The following SYCP2L variants were observed in gnomAD, a reference collection of about 807,000 sequenced individuals.
SYCP2L encodes the protein synaptonemal complex protein 2 like, also known as synaptonemal complex protein 2-like.
SYCP2L carries 98 observed loss-of-function variants against 125.8 expected under a neutral mutation model. That is an observed-to-expected ratio of 0.78 (90% CI 0.66 to 0.92). The LOEUF is 0.92. SYCP2L is among the 40% of genes least tolerant of loss of function. The pLI is 0.00. For missense variants in SYCP2L, 842 were observed against 936.4 expected (o/e 0.90, Z 1.32); for synonymous variants, 317 against 325.4 (o/e 0.97, Z 0.28).
chr6:10,967,810 T>C (rs942791890), intron 29 of SYCP2L, among the ~76,000 whole-genome samples: 2 of 152,202 alleles, frequency 1.3e-5, no homozygotes, highest in South Asian at 4.1e-4. Flanking sequence ...TAGTGCTGAT[T>C]CTAGTAACTT....
intron 4 of SYCP2L, among the ~76,000 whole-genome samples, chr6:10,894,907 G>A (rs1248097443): frequency 6.6e-6 from 1 of 152,122 alleles, no homozygotes; most frequent in Non-Finnish European, 1.5e-5. Flanking sequence ...TAATGTCTTT[G>A]ATTTACCCCT....
In SYCP2L at chr6:10,926,389, TAAAGA is replaced by T. The variant is rs747504744; in HGVS notation, c.1271_1275del (p.Lys424ArgfsTer9). The T allele has an allele frequency of 6.2e-7, 1 of 1,613,912 alleles. No homozygotes were observed. Among genetic ancestry groups the T allele is most frequent in the Admixed American group, 1.7e-5 (1 of 60,012 alleles). ...CCTCAGAACTTTTTAGTAAGTCTGA[TAAAGA>T]AGACAGGGAGAGTCCCAGTGGCCTT... On this transcript the variant is annotated frameshift_variant, in exon 16 of 30. Transcript: ENST00000283141. LOFTEE classifies it high-confidence loss of function.
intron 4 of SYCP2L, among the ~76,000 whole-genome samples, chr6:10,895,348 C>A (rs1780239471): frequency 6.6e-6 from 1 of 152,196 alleles, no homozygotes; most frequent in Admixed American, 6.5e-5. Context: ...GGCACGAGGG[C>A]CTTTATTCCT....
At chr6:10,956,073 A>G (rs1781498780) in intron 24 of SYCP2L, 63 bp from the exon 25 acceptor site, 1 of 1,362,172 alleles carries the variant, frequency 7.3e-7, no homozygotes, top group Middle Eastern at 2.0e-4. Flanking sequence ...CAACTGATGA[A>G]TTGAGCAAGT....
chr6:10,907,216 T>C (rs1157146940), intron 9 of SYCP2L, among the ~76,000 whole-genome samples: 1 of 151,990 alleles, frequency 6.6e-6, no homozygotes, highest in African/African-American at 2.4e-5. Flanking sequence ...TGATGACACA[T>C]GCCTGTAATC....
chr6:10,947,302 C>A, intron 23 of SYCP2L, among the ~76,000 whole-genome samples: 1 of 151,778 alleles, frequency 6.6e-6, no homozygotes, highest in Non-Finnish European at 1.5e-5. Flanking sequence ...AAATTTAGAC[C>A]AAGTTGATCA....
chr6:10,934,135 T>C (rs1781050283), intron 20 of SYCP2L, among the ~76,000 whole-genome samples: 2 of 152,212 alleles, frequency 1.3e-5, no homozygotes, highest in Non-Finnish European at 2.9e-5. Context: ...GTCTCTCTCT[T>C]AACTAAATCT....
intron 14 of SYCP2L, among the ~76,000 whole-genome samples, chr6:10,924,295 G>A (rs887796199): frequency 6.6e-6 from 1 of 152,170 alleles, no homozygotes; most frequent in African/African-American, 2.4e-5. Flanking sequence ...CCACTTAATT[G>A]TGTTGTATGT....
At position 10,894,081 on chromosome 6, in the gene SYCP2L, C is replaced by A; in HGVS notation, c.217-4C>A. ...TGTTTTAACTTAGTGTGGTTTATAC[C>A]TAGGAACTAGATAAAAATGAATTTC... On this transcript the variant is annotated splice_polypyrimidine_tract_variant and splice_region_variant and intron_variant, in intron 3 of 29. Coordinates refer to ENST00000283141, the MANE Select transcript of SYCP2L (RefSeq NM_001040274.3). The A allele has an allele frequency of 6.2e-7, 1 of 1,610,812 alleles. No individual in the cohort carries two copies. Among genetic ancestry groups the A allele is most frequent in the Non-Finnish European group, 8.5e-7 (1 of 1,179,258 alleles).
intron 4 of SYCP2L, 46 bp downstream of exon 4, chr6:10,894,250 A>G (rs1011377407): frequency 5.6e-6 from 9 of 1,593,890 alleles, no homozygotes; most frequent in South Asian, 2.3e-5. Context: ...TAACTTAGAG[A>G]ACTTAGGTGG....
chr6:10,954,904 T>A lies in SYCP2L; in HGVS notation c.1955-212T>A, dbSNP rs564725666. Among the ~76,000 whole-genome samples, 1 of 152,290 alleles carries A rather than the reference T, an allele frequency of 6.6e-6. No individual in the cohort carries two copies. Among genetic ancestry groups the A allele is most frequent in the Admixed American group, 6.5e-5 (1 of 15,298 alleles). ...AGAGTGTTCCTAAATGTAACTGAGCTCATCAAAGGGATGCCTGTTCCCATG... is the reference window on the plus strand; with the variant it reads ...AGAGTGTTCCTAAATGTAACTGAGCACATCAAAGGGATGCCTGTTCCCATG... On this transcript the variant is annotated intron_variant, in intron 23 of 29. Coordinates refer to ENST00000283141, the MANE Select transcript of SYCP2L (RefSeq NM_001040274.3). The surrounding 1 kb of genome is among the most constrained non-coding windows in gnomAD (Gnocchi z 4.8).
chr6:10,908,839 T>C (rs576464219), intron 10 of SYCP2L, among the ~76,000 whole-genome samples: 1 of 152,312 alleles, frequency 6.6e-6, no homozygotes, highest in Non-Finnish European at 1.5e-5. Flanking sequence ...GAGCCCCACC[T>C]CTCCAATTTA....
chr6:10,934,153 A>G (rs1781050769), intron 20 of SYCP2L, among the ~76,000 whole-genome samples: 1 of 152,200 alleles, frequency 6.6e-6, no homozygotes, highest in South Asian at 2.1e-4. Flanking sequence ...TCTCTGAAAT[A>G]AGCTTGCTTT....
intron 14 of SYCP2L, among the ~76,000 whole-genome samples, chr6:10,913,938 T>C (rs543003790): frequency 6.6e-6 from 1 of 152,126 alleles, no homozygotes; most frequent in Admixed American, 6.5e-5. Context: ...TTCAAGCAAT[T>C]CTTGTGCTTT....
Position 10,927,380 on chromosome 6 carries a change from C to G in SYCP2L, c.1440+13C>G. On this transcript the variant is annotated intron_variant, in intron 17 of 29. Transcript: ENST00000283141. ...CTCTGATAGTCACGTAGGTTCTTTT[C>G]TATTTTCCCTAAGCATCGGCCAGGT... is the stretch of plus-strand genomic sequence containing the variant. 6.2e-7 allele frequency: 1 copy of G among 1,600,856 alleles called. No individual in the cohort carries two copies. The highest frequency in any genetic ancestry group is 8.5e-7 in the Non-Finnish European group (1 of 1,170,258).
chr6:10,927,517 A>G (rs1780919055), intron 17 of SYCP2L, 150 bp downstream of exon 17: 2 of 637,904 alleles, frequency 3.1e-6, no homozygotes, highest in Non-Finnish European at 5.4e-6. Flanking sequence ...AAAACCAGCA[A>G]GTTTTTATTA....
At chr6:10,951,948 C>T (rs1279330075) in intron 23 of SYCP2L, among the ~76,000 whole-genome samples, 1 of 152,194 alleles carries the variant, frequency 6.6e-6, no homozygotes, top group East Asian at 1.9e-4. Flanking sequence ...AGTTCAGAAG[C>T]TCCTCAGATT....
At chr6:10,956,323 C>A in intron 25 of SYCP2L, 81 bp downstream of exon 25, 2 of 1,024,584 alleles carry the variant, frequency 2.0e-6, no homozygotes, top group Non-Finnish European at 2.9e-6. Flanking sequence ...CCAGACAGTA[C>A]CACATGGTCT....
intron 10 of SYCP2L, among the ~76,000 whole-genome samples, chr6:10,909,801 G>A (rs1035655604): frequency 1.3e-5 from 2 of 152,084 alleles, no homozygotes; most frequent in Non-Finnish European, 2.9e-5. Flanking sequence ...CCAATGGGTC[G>A]GTCAAATATT....
Sources: gnomAD v4.1 joint callset for allele counts (sites outside exome capture counted in the v4.1 genomes callset) on GRCh38, gnomAD v4.1.1 for gene constraint, Gnocchi (gnomAD v3.1) non-coding constraint, MANE v1.5 for transcripts, NCBI Gene and HGNC (gene_info 2026-07-23, HGNC 2026-07-21) for gene names.